Variants in MRTO4 observed in about 807,000 individuals in gnomAD.
MRTO4 encodes MRT4 homolog, ribosome maturation factor.
Under a neutral mutation model 28.6 loss-of-function variants are expected in MRTO4, and 7 were observed. The ratio of observed to expected loss-of-function variants is 0.24; its 90% CI spans 0.14 to 0.46. MRTO4 has a LOEUF of 0.46. Among genes scored for constraint, MRTO4 ranks in the 20% least tolerant of loss-of-function variants. The probability of loss-of-function intolerance (pLI) is 0.99; values close to 1 mark genes in which losing one functional copy is unlikely to be tolerated. For missense variants in MRTO4, 302 were observed against 298.3 expected, an observed-to-expected ratio of 1.01 and a Z score of -0.09; for synonymous variants, 113 against 108.2, an observed-to-expected ratio of 1.04 and a Z score of -0.27.
chr1:19,254,935 A>C, intron 2 of MRTO4, 95 bp downstream of exon 2: 1 of 1,112,538 alleles, frequency 9.0e-7, no homozygotes, highest in Non-Finnish European at 1.3e-6. Flanking sequence ...GGCCAGGGGA[A>C]CATACTAGTG....
intron 2 of MRTO4, 90 bp from the exon 3 acceptor site, chr1:19,255,858 G>T (rs961574770): frequency 2.8e-6 from 3 of 1,082,178 alleles, no homozygotes; most frequent in South Asian, 1.3e-5. Context: ...GTTGTCAGGG[G>T]CCCAGAGCAG....
intron 3 of MRTO4, 97 bp from the exon 4 acceptor site, chr1:19,256,967 C>T: frequency 8.2e-7 from 1 of 1,212,210 alleles, no homozygotes; most frequent in Non-Finnish European, 1.2e-6. Context: ...CAGCCTGGGC[C>T]TGAGCTCACT....
At chr1:19,256,776 G>T (rs1170163626) in intron 3 of MRTO4, among the ~76,000 whole-genome samples, 2 of 152,202 alleles carry the variant, frequency 1.3e-5, no homozygotes, top group Non-Finnish European at 1.5e-5. Flanking sequence ...ACCAGCTCTG[G>T]TTCAGGCTGT....
At chr1:19,252,831 AT>A (rs1026979391) in intron 1 of MRTO4, among the ~76,000 whole-genome samples, 1 of 151,896 alleles carries the variant, frequency 6.6e-6, no homozygotes, top group Non-Finnish European at 1.5e-5. Flanking sequence ...TTTTTTGTTT[AT>A]TTTTTATAGA....
intron 7 of MRTO4, 38 bp from the exon 8 acceptor site, chr1:19,258,643 C>A: frequency 3.7e-6 from 6 of 1,614,118 alleles, no homozygotes; most frequent in Non-Finnish European, 5.1e-6. Flanking sequence ...TGAATACCTT[C>A]ATTCCTCCTG....
At chr1:19,255,222 G>A (rs2093669635) in intron 2 of MRTO4, among the ~76,000 whole-genome samples, 2 of 152,034 alleles carry the variant, frequency 1.3e-5, no homozygotes, top group Non-Finnish European at 1.5e-5. Flanking sequence ...GGCCAGGAAT[G>A]GTGGGCCACG....
chr1:19,258,455 T>C (rs1558122857), intron 6 of MRTO4, 22 bp from the exon 7 acceptor site: 1 of 1,613,052 alleles, frequency 6.2e-7, no homozygotes, highest in Non-Finnish European at 8.5e-7. Flanking sequence ...CAGAGGTAAC[T>C]GAGAGCCACC....
At chr1:19,257,714 A>G (rs1350505743) in intron 5 of MRTO4, 119 bp from the exon 6 acceptor site, 60 of 1,429,984 alleles carry the variant, frequency 4.2e-5, no homozygotes, top group Non-Finnish European at 5.5e-5. Flanking sequence ...GCTGCTGGCC[A>G]GCAGCCAAGG....
intron 4 of MRTO4, 40 bp from the exon 5 acceptor site, chr1:19,257,414 G>C (rs748247744): frequency 1.2e-6 from 2 of 1,610,454 alleles, no homozygotes; most frequent in African/African-American, 2.7e-5. Context: ...GAGAACCACT[G>C]CTCTAATGTG....
At chr1:19,254,055 A>G (rs1222741896) in intron 1 of MRTO4, among the ~76,000 whole-genome samples, 3 of 152,168 alleles carry the variant, frequency 2.0e-5, no homozygotes, top group African/African-American at 7.2e-5. Context: ...TAGGCCAGCT[A>G]GAGTGGCCTC....
At chr1:19,257,229 A>G (rs1394886189) in intron 4 of MRTO4, 84 bp downstream of exon 4, 1 of 1,466,858 alleles carries the variant, frequency 6.8e-7, no homozygotes, top group Non-Finnish European at 9.4e-7. Context: ...TCCCCCAGCC[A>G]TTGGCAGGCC....
chr1:19,253,291 T>C (rs891046841), intron 1 of MRTO4, among the ~76,000 whole-genome samples: 2 of 152,160 alleles, frequency 1.3e-5, no homozygotes, highest in African/African-American at 4.8e-5. Context: ...AGAATGCTGT[T>C]CCAAGTAGAG....
In MRTO4 at chr1:19,259,629, A is replaced by G. The variant is rs539384614; in HGVS notation, c.*799A>G. On this transcript the variant is annotated 3_prime_UTR_variant, in exon 8 of 8. Transcript: ENST00000330263. ...TTCCACTGGCTGCCTTGGCACTGCC[A>G]TGACAGCACAGCTCCACACCAGAGC... The G allele has an allele frequency of 2.4e-4, 37 of 152,374 alleles. No homozygotes were observed. The highest frequency in any genetic ancestry group is 1.0e-3 in the Admixed American group (16 of 15,300). The allele number at this position is 152,374 out of a possible 1,614,324, so 9.4% of individuals were successfully genotyped here.
intron 5 of MRTO4, 115 bp downstream of exon 5, chr1:19,257,636 C>A: frequency 7.1e-7 from 1 of 1,412,276 alleles, no homozygotes; most frequent in Admixed American, 1.7e-5. Flanking sequence ...CTCCTGGAAG[C>A]CTGTCACTGA....
In MRTO4 at chr1:19,258,896, C is replaced by T. The variant is rs535927152; in HGVS notation, c.*66C>T. Reference sequence around the variant, plus strand: ...CTCACTGGACCATCAGGACTGCTGCCGCCCCTCTGGAGAGAGCAGCTTTTT... The same window carrying T: ...CTCACTGGACCATCAGGACTGCTGCTGCCCCTCTGGAGAGAGCAGCTTTTT... On this transcript the variant is annotated 3_prime_UTR_variant, in exon 8 of 8. Coordinates refer to ENST00000330263, the MANE Select transcript of MRTO4 (RefSeq NM_016183.4). The T allele has an allele frequency of 5.5e-4, 855 of 1,544,532 alleles. 6 individuals are homozygous for T. In the Middle Eastern group the frequency reaches 0.013, roughly 24 times the overall value.
chr1:19,258,931 T>C lies in MRTO4; in HGVS notation c.*101T>C. 7.3e-7 allele frequency: 1 copy of C among 1,365,874 alleles called. No homozygotes were observed. Among genetic ancestry groups the C allele is most frequent in the Non-Finnish European group, 9.8e-7 (1 of 1,021,666 alleles). The allele number at this position is 1,365,874 out of a possible 1,614,324, so 84.6% of individuals were successfully genotyped here. On this transcript the variant is annotated 3_prime_UTR_variant, in exon 8 of 8. Transcript: ENST00000330263. Reference sequence around the variant, plus strand: ...GAGAGAGCAGCTTTTTATTTGTCTGTAGACAGGGAACATGATGGGCACTGA... The same window carrying C: ...GAGAGAGCAGCTTTTTATTTGTCTGCAGACAGGGAACATGATGGGCACTGA...
Position 19,259,962 on chromosome 1 carries a change from C to A in MRTO4, c.*1132C>A, listed in dbSNP as rs1239426014. 5 of 152,276 alleles carry A rather than the reference C, an allele frequency of 3.3e-5. No homozygotes were observed. The highest frequency in any genetic ancestry group is 1.2e-4 in the African/African-American group (5 of 41,444). 9.4% of individuals were successfully genotyped at this position (152,276 alleles called of 1,614,324 possible). The stretch of plus-strand genomic sequence containing the variant: ...AATTTTAAGGAGAGATGGGGTTTCA[C>A]CATGTTGCCCAGGCTGGTCTCAAAC... On this transcript the variant is annotated 3_prime_UTR_variant, in exon 8 of 8. Coordinates refer to ENST00000330263, the MANE Select transcript of MRTO4 (RefSeq NM_016183.4).
At chr1:19,253,230 A>G (rs1420764513) in intron 1 of MRTO4, among the ~76,000 whole-genome samples, 1 of 151,974 alleles carries the variant, frequency 6.6e-6, no homozygotes, top group South Asian at 2.1e-4. Context: ...CAGAAAATAA[A>G]GAAAGGAAGC....
At position 19,251,856 on chromosome 1, in the gene MRTO4, C is replaced by G. The variant is rs979175180; in HGVS notation, c.21C>G (p.Asp7Glu). The change falls in exon 1 of 8, where the codon GAC (aspartate) becomes GAG (glutamate). Residue 7 changes from aspartate (D) to glutamate (E), a missense_variant. Coordinates refer to ENST00000330263, the MANE Select transcript of MRTO4 (RefSeq NM_016183.4). Reference sequence around the variant, plus strand: ...GCGCGATGCCCAAATCCAAGCGCGACAAGAAAGGTGGGCGAAGGGGGAGTC... The same window carrying G: ...GCGCGATGCCCAAATCCAAGCGCGAGAAGAAAGGTGGGCGAAGGGGGAGTC... MPKSKRDKKVSLTKTAK... is the reference protein window; with the variant it reads MPKSKREKKVSLTKTAK... The G allele has an allele frequency of 2.5e-6, 4 of 1,591,518 alleles. No individual in the cohort carries two copies. The highest frequency in any genetic ancestry group is 1.3e-5 in the African/African-American group (1 of 74,460).
Sources: gnomAD v4.1 joint callset for allele counts (sites outside exome capture counted in the v4.1 genomes callset) on GRCh38, gnomAD v4.1.1 for gene constraint, MANE v1.5 for transcripts, NCBI Gene and HGNC (gene_info 2026-07-23, HGNC 2026-07-21) for gene names.